The following FER1L6 variants were observed in gnomAD, a reference collection of about 807,000 sequenced individuals.
FER1L6 encodes the protein fer-1-like protein 6.
A neutral mutation model predicts 219.2 loss-of-function variants in FER1L6; 177 were observed. The ratio of observed to expected loss-of-function variants is 0.81; its 90% CI spans 0.71 to 0.91. The LOEUF (loss-of-function observed/expected upper bound fraction) is 0.91. Among genes scored for constraint, FER1L6 ranks in the 40% least tolerant of loss-of-function variants. The pLI is 0.00. For missense variants in FER1L6, 2,153 were observed against 2,259.9 expected, an observed-to-expected ratio of 0.95 and a Z score of 0.96; for synonymous variants, 768 against 824.3, an observed-to-expected ratio of 0.93 and a Z score of 1.17.
intron 34 of FER1L6, 100 bp downstream of exon 34, chr8:124,091,683 G>A: frequency 7.6e-7 from 1 of 1,309,784 alleles, no homozygotes; most frequent in Non-Finnish European, 1.1e-6. Context: ...TAAAAGTAAT[G>A]TGGCCAGGCA....
At chr8:123,956,401 T>A (rs1234092941) in intron 2 of FER1L6, among the ~76,000 whole-genome samples, 1 of 152,158 alleles carries the variant, frequency 6.6e-6, no homozygotes, top group Non-Finnish European at 1.5e-5. Flanking sequence ...TCTAATGTAA[T>A]GATGTGGGTT....
intron 1 of FER1L6, among the ~76,000 whole-genome samples, chr8:123,875,400 C>T (rs556599903): frequency 3.1e-4 from 47 of 152,236 alleles, no homozygotes; most frequent in Non-Finnish European, 6.3e-4. Flanking sequence ...CTCAGCACCA[C>T]TTTTTCTCAG....
chr8:123,963,206 G>C, intron 2 of FER1L6, 72 bp from the exon 3 acceptor site: 1 of 1,595,058 alleles, frequency 6.3e-7, no homozygotes, highest in South Asian at 1.1e-5. Flanking sequence ...CACAGGGCTG[G>C]CATAAGGTAG....
chr8:123,920,391 G>T (rs909505474), intron 1 of FER1L6, among the ~76,000 whole-genome samples: 12 of 152,190 alleles, frequency 7.9e-5, no homozygotes, highest in Non-Finnish European at 1.6e-4. Context: ...AGCCTCTGAG[G>T]GTCATAGTCC....
At chr8:124,003,763 G>A (rs544639469) in intron 13 of FER1L6, among the ~76,000 whole-genome samples, 51 of 152,006 alleles carry the variant, frequency 3.4e-4, no homozygotes, top group African/African-American at 1.2e-3. Context: ...CACTGTGCCC[G>A]GCCAGAAACA....
chr8:124,091,573 A>G lies in FER1L6; in HGVS notation c.4542A>G (p.Glu1514=), dbSNP rs370413936. 4.6e-4 allele frequency: 736 copies of G among 1,613,796 alleles called. 3 individuals are homozygous for G. The highest frequency in any genetic ancestry group is 5.8e-4 in the Non-Finnish European group (680 of 1,179,856). Residue 1514 remains glutamate, a synonymous_variant, in exon 34 of 41, where the codon GAA becomes GAG. Transcript: ENST00000522917. ...TTTCTGGAAAAACTATCTTCACTGA[A>G]GAGGACACTGGTAACTCCCTGCAAA... is the stretch of plus-strand genomic sequence containing the variant. The part of the protein sequence containing the change: ...QVFSGKTIFT[E]EDTDETVESY...
rs751755182 is a variant in FER1L6 at position 124,045,900 on chromosome 8, T to C, written c.2723T>C (p.Val908Ala). 4.3e-6 allele frequency: 7 copies of C among 1,613,682 alleles called. No individual in the cohort carries two copies. In the South Asian group the frequency reaches 6.6e-5, roughly 15 times the overall value. Residue 908 changes from valine (V) to alanine (A), a missense_variant and splice_region_variant, in exon 21 of 41, where the codon GTG becomes GCG. Physicochemically the swap from Val to Ala is moderately conservative, Grantham distance 64. Transcript: ENST00000522917. ...GTGGAGCTGTATGACAGCGACGCTGTGGTGAGTGTCCCCCTGGGCCAGTGC... is the reference window on the plus strand; with the variant it reads ...GTGGAGCTGTATGACAGCGACGCTGCGGTGAGTGTCCCCCTGGGCCAGTGC... The part of the protein sequence containing the change: ...VVVELYDSDA[V>A]GKPEYLGATV...
intron 1 of FER1L6, among the ~76,000 whole-genome samples, chr8:123,927,274 T>C (rs1246450226): frequency 6.6e-6 from 1 of 152,070 alleles, no homozygotes; most frequent in African/African-American, 2.4e-5. Flanking sequence ...AAAAAAACTA[T>C]TCAAACTCGT....
chr8:123,863,984 A>G (rs1394978767), intron 1 of FER1L6, among the ~76,000 whole-genome samples: 2 of 148,950 alleles, frequency 1.3e-5, no homozygotes, highest in East Asian at 3.9e-4. Flanking sequence ...ATTTACATTT[A>G]AAGTTAATAT....
rs545218503 is a variant in FER1L6, at chr8:124,045,845, G to A, written c.2668G>A (p.Glu890Lys). Residue 890 changes from glutamate to lysine, a missense_variant, in exon 21 of 41, where the codon GAG (glutamate) becomes AAG (lysine). Transcript: ENST00000522917. ...NDLVLHGDVK[E>K]LAESPPLVVV... Reference sequence around the variant, plus strand: ...TTTGGTGCTGCATGGAGATGTGAAGGAGCTGGCAGAGTCCCCGCCCTTAGT... The same window carrying A: ...TTTGGTGCTGCATGGAGATGTGAAGAAGCTGGCAGAGTCCCCGCCCTTAGT... The A allele has an allele frequency of 2.6e-5, 42 of 1,614,104 alleles. No homozygotes were observed. The African/African-American group carries it at 4.5e-4, about 17-fold the overall frequency.
chr8:124,116,625 CCT>C (rs1429196126), intron 39 of FER1L6, among the ~76,000 whole-genome samples: 11 of 152,354 alleles, frequency 7.2e-5, no homozygotes, highest in East Asian at 5.8e-4. Flanking sequence ...CAGCTGCAAT[CCT>C]CTTACTGTGG....
chr8:124,033,260 C>G (rs1367191194), intron 18 of FER1L6, among the ~76,000 whole-genome samples: 1 of 152,152 alleles, frequency 6.6e-6, no homozygotes, highest in African/African-American at 2.4e-5. Flanking sequence ...AAATTCCTTT[C>G]TTTATGAATT....
intron 2 of FER1L6, among the ~76,000 whole-genome samples, chr8:123,962,339 T>A (rs1815326422): frequency 6.6e-6 from 1 of 152,156 alleles, no homozygotes; most frequent in Admixed American, 6.5e-5. Flanking sequence ...TTGCTTATCT[T>A]GAGGCTGGTG....
At chr8:123,960,411 T>G (rs570074512) in intron 2 of FER1L6, among the ~76,000 whole-genome samples, 5 of 152,150 alleles carry the variant, frequency 3.3e-5, no homozygotes, top group Non-Finnish European at 7.4e-5. Context: ...GAATCTAGGG[T>G]GGAGAGGAAA....
chr8:123,859,605 G>A (rs188878140), intron 1 of FER1L6, among the ~76,000 whole-genome samples: 1 of 145,246 alleles, frequency 6.9e-6, no homozygotes, highest in East Asian at 2.0e-4. Context: ...CAATGTGCAG[G>A]TTAGTTACAT....
At chr8:123,903,399 G>A (rs774917031) in intron 1 of FER1L6, among the ~76,000 whole-genome samples, 7 of 152,142 alleles carry the variant, frequency 4.6e-5, no homozygotes, top group African/African-American at 1.4e-4. Flanking sequence ...TCGTAACATC[G>A]TTCTCAAACA....
intron 39 of FER1L6, among the ~76,000 whole-genome samples, chr8:124,106,129 T>C (rs1330722269): frequency 6.6e-6 from 1 of 152,008 alleles, no homozygotes; most frequent in Non-Finnish European, 1.5e-5. Context: ...AATTGTATAA[T>C]TTAAAAGAGT....
At position 124,082,284 on chromosome 8, in the gene FER1L6, G is replaced by A. The variant is rs751297622; in HGVS notation, c.4221-4G>A. On this transcript the variant is annotated splice_polypyrimidine_tract_variant and splice_region_variant and intron_variant, in intron 32 of 40. Coordinates refer to ENST00000522917, the MANE Select transcript of FER1L6 (RefSeq NM_001039112.2). ...GACTCTTGAAGTCTCTGCTTGGACC[G>A]CAGGTCATTTGAGATCCAAGCCACA... 4.1e-5 allele frequency: 66 copies of A among 1,609,390 alleles called. No homozygotes were observed. Among genetic ancestry groups the A allele is most frequent in the Admixed American group, 5.0e-5 (3 of 59,428 alleles).
chr8:123,997,298 G>T (rs965330809), intron 12 of FER1L6, among the ~76,000 whole-genome samples: 1 of 151,996 alleles, frequency 6.6e-6, no homozygotes, highest in East Asian at 1.9e-4. Context: ...AGGATAAAAG[G>T]GTTTTTGTTG....
Sources: gnomAD v4.1 joint callset for allele counts (sites outside exome capture counted in the v4.1 genomes callset) on GRCh38, gnomAD v4.1.1 for gene constraint, MANE v1.5 for transcripts, NCBI Gene and HGNC (gene_info 2026-07-23, HGNC 2026-07-21) for gene names.